Variants in ERGIC3 observed in about 807,000 individuals in gnomAD.
ERGIC3 encodes ERGIC and golgi 3, also known as endoplasmic reticulum-Golgi intermediate compartment protein 3.
ERGIC3 carries 33 observed loss-of-function variants against 54.7 expected under a neutral mutation model. The observed-to-expected ratio is 0.60, with a 90% CI of 0.46 to 0.81. The LOEUF is 0.81. Ranked by LOEUF, ERGIC3 falls within the 30% of genes least tolerant of loss-of-function variation. The pLI, the probability that ERGIC3 is intolerant of heterozygous loss-of-function variation, is 0.00. For synonymous variants in ERGIC3, 186 were observed against 189.8 expected, an observed-to-expected ratio of 0.98 and a Z score of 0.16; for missense variants, 399 against 488.4, an observed-to-expected ratio of 0.82 and a Z score of 1.73.
intron 7 of ERGIC3, among the ~76,000 whole-genome samples, chr20:35,553,538 A>C (rs911907680): frequency 3.9e-5 from 6 of 152,060 alleles, no homozygotes; most frequent in Non-Finnish European, 7.4e-5. Context: ...AGAGCTGCAC[A>C]GTGACAGAGC....
At position 35,556,145 on chromosome 20, in the gene ERGIC3, G is replaced by A; in HGVS notation, c.814+16G>A. 6.2e-7 allele frequency: 1 copy of A among 1,614,138 alleles called. No individual in the cohort carries two copies. The highest frequency in any genetic ancestry group is 2.2e-5 in the East Asian group (1 of 44,882). ...GCGCCCCAAGGTACCAGCCCGGGAG[G>A]CAGCCCCCAGCCGCAGAAGGCCGGC... On this transcript the variant is annotated intron_variant, in intron 9 of 12. Coordinates refer to ENST00000348547, the MANE Select transcript of ERGIC3 (RefSeq NM_015966.3).
chr20:35,547,521 GCGGGAGCAGGGTT>G lies in ERGIC3; in HGVS notation c.461+18_461+30del. The G allele has an allele frequency of 6.2e-7, 1 of 1,611,462 alleles. No homozygotes were observed. Among genetic ancestry groups the G allele is most frequent in the Non-Finnish European group, 8.5e-7 (1 of 1,177,886 alleles). On this transcript the variant is annotated intron_variant, in intron 5 of 12. Transcript: ENST00000348547. ...AAGATATCAAGTGAGCTGGCGGGGA[GCGGGAGCAGGGTT>G]CCCATCAGGCGCCATCTGTCAGTCA...
intron 4 of ERGIC3, chr20:35,543,158 C>T: frequency 1.9e-6 from 1 of 523,122 alleles, no homozygotes. Context: ...CTATTATTCT[C>T]AGAGGTCCTC....
intron 7 of ERGIC3, 53 bp from the exon 8 acceptor site, chr20:35,554,991 G>T: frequency 6.2e-7 from 1 of 1,605,170 alleles, no homozygotes; most frequent in Non-Finnish European, 8.5e-7. Context: ...GAGGAGGCCA[G>T]TGCTGCTCCT....
rs1239314178 is a variant in ERGIC3 at position 35,557,108 on chromosome 20, A to G, written c.1015A>G (p.Arg339Gly). 1 of 1,614,208 alleles carries G rather than the reference A, an allele frequency of 6.2e-7. No homozygotes were observed. The highest frequency in any genetic ancestry group is 1.7e-5 in the Admixed American group (1 of 60,026). Residue 339 changes from arginine (R) to glycine (G), a missense_variant and splice_region_variant, in exon 11 of 13, where the codon AGG (arginine) becomes GGG (glycine). Arg to Gly is a moderately radical substitution (Grantham distance 125). Coordinates refer to ENST00000348547, the MANE Select transcript of ERGIC3 (RefSeq NM_015966.3). The stretch of plus-strand genomic sequence containing the variant: ...GATGGTGAAGCTGACGGAGAAGCAC[A>G]GGTGAGGATGGGGGCAAAGCGGCCT... ...PMMVKLTEKH[R>G]SFTHFLTGVC...
Position 35,557,607 on chromosome 20 carries a change from A to G in ERGIC3, c.*103A>G, listed in dbSNP as rs2064722710. ...CTCGGTCAGCCCCAGCCCCAGGTTGATAAATCTATTGATTGATTGTGATAG... is the reference window on the plus strand; with the variant it reads ...CTCGGTCAGCCCCAGCCCCAGGTTGGTAAATCTATTGATTGATTGTGATAG... On this transcript the variant is annotated 3_prime_UTR_variant, in exon 13 of 13. Coordinates refer to ENST00000348547, the MANE Select transcript of ERGIC3 (RefSeq NM_015966.3). 6 of 949,236 alleles carry G rather than the reference A, an allele frequency of 6.3e-6. No homozygotes were observed. The highest frequency in any genetic ancestry group is 1.0e-5 in the Non-Finnish European group (6 of 599,466). The allele number at this position is 949,236 out of a possible 1,614,324, so 58.8% of individuals were successfully genotyped here.
intron 7 of ERGIC3, chr20:35,554,404 C>A: frequency 1.2e-6 from 2 of 1,614,086 alleles, no homozygotes; most frequent in Non-Finnish European, 1.7e-6. Flanking sequence ...GCCCTGCCCC[C>A]ATGGAGGCCA....
intron 7 of ERGIC3, among the ~76,000 whole-genome samples, chr20:35,550,346 T>C (rs2064674863): frequency 6.6e-6 from 1 of 152,038 alleles, no homozygotes; most frequent in Non-Finnish European, 1.5e-5. Flanking sequence ...CCGGGTGCAG[T>C]AGCTCATACC....
chr20:35,555,432 A>G lies in ERGIC3; in HGVS notation c.717+357A>G, dbSNP rs11907076. On this transcript the variant is annotated intron_variant, in intron 8 of 12. Transcript: ENST00000348547. ...CTCAGAGGCCACGCTGAGGAATCAC[A>G]TCTTTCTCATGAGAACAGTGGAAAG... 2.8e-3 allele frequency among the ~76,000 whole-genome samples: 431 copies of G among 152,334 alleles called. 3 individuals are homozygous for G. Among genetic ancestry groups the G allele is most frequent in the African/African-American group, 9.4e-3 (389 of 41,570 alleles).
rs531735379 is a variant in ERGIC3 at position 35,542,096 on chromosome 20, C to G, written c.-2C>G. On this transcript the variant is annotated 5_prime_UTR_variant, in exon 1 of 13. Transcript: ENST00000348547. Reference sequence around the variant, plus strand: ...CTGGCGTCCCCTTTCCGGCCGGTCCCCATGGAGGCGCTGGGGAAGCTGAAG... The same window carrying G: ...CTGGCGTCCCCTTTCCGGCCGGTCCGCATGGAGGCGCTGGGGAAGCTGAAG... 1 of 1,542,522 alleles carries G rather than the reference C, an allele frequency of 6.5e-7. No individual in the cohort carries two copies. The highest frequency in any genetic ancestry group is 1.3e-5 in the South Asian group (1 of 79,574).
rs750493172 is a variant in ERGIC3, at chr20:35,556,713, C to A, written c.880-260C>A. 1.7e-4 allele frequency: 94 copies of A among 563,346 alleles called. 1 individual carries two copies. The highest frequency in any genetic ancestry group is 2.9e-4 in the Non-Finnish European group (91 of 312,276). The allele number at this position is 563,346 out of a possible 1,614,324, so 34.9% of individuals were successfully genotyped here. On this transcript the variant is annotated intron_variant, in intron 10 of 12. Transcript: ENST00000348547. Reference sequence around the variant, plus strand: ...TGGAGAGCTGCTTCTCAGCCTGGACCCCCGTGAGAACACCCACCAAATGCT... The same window carrying A: ...TGGAGAGCTGCTTCTCAGCCTGGACACCCGTGAGAACACCCACCAAATGCT...
intron 8 of ERGIC3, among the ~76,000 whole-genome samples, chr20:35,555,826 A>G (rs943358891): frequency 1.1e-4 from 17 of 151,942 alleles, no homozygotes; most frequent in Non-Finnish European, 1.5e-4. Context: ...AAAAAAAAAA[A>G]AAAAGAAAAA....
chr20:35,549,928 C>T (rs1413729415), intron 7 of ERGIC3: 3 of 152,368 alleles, frequency 2.0e-5, no homozygotes, highest in Non-Finnish European at 2.9e-5. Context: ...TGAGCCACCG[C>T]ACCTGGCCGA....
chr20:35,542,728 C>T, intron 3 of ERGIC3, 94 bp from the exon 4 acceptor site: 1 of 1,607,526 alleles, frequency 6.2e-7, no homozygotes, highest in Non-Finnish European at 8.5e-7. Context: ...TCCCGTTCTG[C>T]CCCAAGACAG....
At chr20:35,554,878 G>T (rs1280919536) in intron 7 of ERGIC3, 166 bp from the exon 8 acceptor site, 6 of 818,792 alleles carry the variant, frequency 7.3e-6, no homozygotes, top group Non-Finnish European at 1.3e-5. Flanking sequence ...CAGGCCCAAG[G>T]CTTGCCCTTT....
chr20:35,549,254 G>A (rs1222923719), intron 7 of ERGIC3: 1 of 472,140 alleles, frequency 2.1e-6, no homozygotes, highest in Admixed American at 2.3e-5. Context: ...ATGATGACCT[G>A]TGCATGAGGC....
At position 35,555,064 on chromosome 20, in the gene ERGIC3, G is replaced by A. The variant is rs764827468; in HGVS notation, c.706G>A (p.Gly236Ser). Reference sequence around the variant, plus strand: ...CCTAGTCCATGACTTGCAGAGCTTTGGCCTTGACAACGTACGTACCAGATG... The same window carrying A: ...CCTAGTCCATGACTTGCAGAGCTTTAGCCTTGACAACGTACGTACCAGATG... ...HVHVHDLQSF[G>S]LDNINMTHYI... Residue 236 changes from glycine (G) to serine (S), a missense_variant, in exon 8 of 13, where the codon GGC (glycine) becomes AGC (serine). Physicochemically the swap from Gly to Ser is moderately conservative, Grantham distance 56. Transcript: ENST00000348547. The A allele has an allele frequency of 1.2e-6, 2 of 1,613,734 alleles. No individual in the cohort carries two copies. The highest frequency in any genetic ancestry group is 1.7e-6 in the Non-Finnish European group (2 of 1,179,930).
chr20:35,545,432 T>TG (rs1284143103), intron 4 of ERGIC3: 2 of 149,920 alleles, frequency 1.3e-5, no homozygotes, highest in East Asian at 3.9e-4. Context: ...CCGGGTGTGG[T>TG]GGTGGGCACC....
chr20:35,542,133 C>A lies in ERGIC3; in HGVS notation c.36C>A (p.Ala12=). 6.4e-7 allele frequency: 1 copy of A among 1,569,240 alleles called. No homozygotes were observed. Among genetic ancestry groups the A allele is most frequent in the Non-Finnish European group, 8.6e-7 (1 of 1,158,214 alleles). The change falls in exon 1 of 13, where the codon GCC becomes GCA. Residue 12 remains alanine, a synonymous_variant. Transcript: ENST00000348547. The part of the protein sequence containing the change: ...EALGKLKQFD[A]YPKTLEDFRV... ...TGGGGAAGCTGAAGCAGTTCGATGCCTACCCCAAGACTTTGGAGGACTTCC... is the reference window on the plus strand; with the variant it reads ...TGGGGAAGCTGAAGCAGTTCGATGCATACCCCAAGACTTTGGAGGACTTCC...
Sources: gnomAD v4.1 joint callset for allele counts (sites outside exome capture counted in the v4.1 genomes callset) on GRCh38, gnomAD v4.1.1 for gene constraint, MANE v1.5 for transcripts, NCBI Gene and HGNC (gene_info 2026-07-23, HGNC 2026-07-21) for gene names.